Variants in NCOA1 observed in about 807,000 individuals in gnomAD.
The protein encoded by NCOA1 is Hin-2 protein.
Under a neutral mutation model 150.9 loss-of-function variants are expected in NCOA1, and 35 were observed. That is an observed-to-expected ratio of 0.23 (90% CI 0.18 to 0.31). The LOEUF (loss-of-function observed/expected upper bound fraction) is 0.31, where lower values mean the gene tolerates loss of function less well. Ranked by LOEUF, NCOA1 falls within the 10% of genes least tolerant of loss-of-function variation. The pLI, the probability that NCOA1 is intolerant of heterozygous loss-of-function variation, is 1.00. For missense variants in NCOA1, 1,491 were observed against 1,749.3 expected (o/e 0.85, Z 2.63); for synonymous variants, 590 against 630.0 (o/e 0.94, Z 0.95).
At chr2:24,713,143 A>G (rs769621528) in intron 14 of NCOA1, among the ~76,000 whole-genome samples, 32 of 152,262 alleles carry the variant, frequency 2.1e-4, no homozygotes, top group Non-Finnish European at 3.7e-4. Flanking sequence ...AGGCAGGAGA[A>G]TCACCTGAAC....
At chr2:24,494,410 T>C (rs757385703) in intron 1 of NCOA1, among the ~76,000 whole-genome samples, 2 of 152,220 alleles carry the variant, frequency 1.3e-5, no homozygotes, top group Non-Finnish European at 1.5e-5. Context: ...TTGAATGTTA[T>C]GTTGCATATC....
At chr2:24,765,498 C>CA (rs200703883) in intron 22 of NCOA1, among the ~76,000 whole-genome samples, 31,356 of 120,718 alleles carry the variant, frequency 0.26, 3,470 homozygotes, top group Non-Finnish European at 0.29. Context: ...GACTCTGTCT[C>CA]AAAAAAAAAA....
chr2:24,751,582 C>T (rs1424440663), intron 19 of NCOA1, among the ~76,000 whole-genome samples: 3 of 143,880 alleles, frequency 2.1e-5, no homozygotes, highest in Non-Finnish European at 4.6e-5. Flanking sequence ...GACTCCATCT[C>T]GGGGGAAAAA....
chr2:24,501,419 T>C (rs1332979095), intron 1 of NCOA1, among the ~76,000 whole-genome samples: 1 of 152,140 alleles, frequency 6.6e-6, no homozygotes, highest in Non-Finnish European at 1.5e-5. Flanking sequence ...CCAAAAGTAG[T>C]GAGTGGTATT....
chr2:24,549,627 C>T (rs149681365), intron 1 of NCOA1, among the ~76,000 whole-genome samples: 342 of 152,268 alleles, frequency 2.2e-3, no homozygotes, highest in African/African-American at 7.7e-3. Context: ...AGTGCAGTGG[C>T]GCAATCTGGG....
chr2:24,499,773 G>A (rs570202928), intron 1 of NCOA1, among the ~76,000 whole-genome samples: 1 of 152,192 alleles, frequency 6.6e-6, no homozygotes, highest in East Asian at 1.9e-4. Flanking sequence ...TTTAAGGCAG[G>A]ATGTGTCTTG....
intron 3 of NCOA1, among the ~76,000 whole-genome samples, chr2:24,612,634 G>A (rs1313085735): frequency 6.6e-6 from 1 of 151,788 alleles, no homozygotes; most frequent in Admixed American, 6.6e-5. Context: ...GTTCAAAAGG[G>A]CAGTCTTCAA....
At chr2:24,604,142 A>C (rs1186569751) in intron 3 of NCOA1, among the ~76,000 whole-genome samples, 1 of 152,180 alleles carries the variant, frequency 6.6e-6, no homozygotes, top group Admixed American at 6.5e-5. Context: ...AGGTCTTAAC[A>C]TTGGGCTTAA....
chr2:24,754,107 CTT>C (rs1664382698), intron 20 of NCOA1, among the ~76,000 whole-genome samples: 2 of 152,294 alleles, frequency 1.3e-5, no homozygotes, highest in African/African-American at 4.8e-5. Flanking sequence ...GCACCTCTCT[CTT>C]CTTACCTATT....
At chr2:24,611,268 G>A (rs143977482) in intron 3 of NCOA1, among the ~76,000 whole-genome samples, 1 of 152,144 alleles carries the variant, frequency 6.6e-6, no homozygotes, top group African/African-American at 2.4e-5. Flanking sequence ...GTTGTCGCAA[G>A]TGGCATGATT....
At chr2:24,709,993 A>G (rs966671557) in intron 13 of NCOA1, among the ~76,000 whole-genome samples, 1 of 152,204 alleles carries the variant, frequency 6.6e-6, no homozygotes, top group Admixed American at 6.5e-5. Flanking sequence ...ATCATAGTAT[A>G]GCAATATTGT....
At position 24,707,659 on chromosome 2, in the gene NCOA1, G is replaced by T; in HGVS notation, c.2189G>T (p.Ser730Ile). 1 of 1,614,190 alleles carries T rather than the reference G, an allele frequency of 6.2e-7. No individual in the cohort carries two copies. Among genetic ancestry groups the T allele is most frequent in the Non-Finnish European group, 8.5e-7 (1 of 1,180,020 alleles). The change falls in exon 13 of 23, where the codon AGT becomes ATT. Residue 730 changes from serine (S) to isoleucine (I), a missense_variant. By Grantham distance (142) the Ser-to-Ile change is moderately radical. Coordinates refer to ENST00000348332, the MANE Select transcript of NCOA1 (RefSeq NM_003743.5). ...SVTGQVQGNS[S>I]IKLELDASKK... ...ACTGGACAGGTACAAGGAAACTCCA[G>T]TATAAAACTAGAACTGGATGCTTCA...
rs373436912 is a variant in NCOA1 at position 24,768,278 on chromosome 2, G to A, written c.4213G>A (p.Gly1405Arg). ...CCAGTGTACAGTGAATCTGGTAGGCGGGGACCCTTACCTGAACCAGCCTGG... is the reference window on the plus strand; with the variant it reads ...CCAGTGTACAGTGAATCTGGTAGGCAGGGACCCTTACCTGAACCAGCCTGG... Reference protein sequence around the residue: ...DVQCTVNLVGGDPYLNQPGPL... With the variant: ...DVQCTVNLVGRDPYLNQPGPL... The change falls in exon 23 of 23, where the codon GGG (glycine) becomes AGG (arginine). Residue 1405 changes from glycine (G) to arginine (R), a missense_variant. By Grantham distance (125) the Gly-to-Arg change is moderately radical. Around this residue, in one of 8 missense-constraint regions of NCOA1, gnomAD observed 46 missense variants for 78.8 expected, o/e 0.58. Coordinates refer to ENST00000348332, the MANE Select transcript of NCOA1 (RefSeq NM_003743.5). 1.4e-5 allele frequency: 23 copies of A among 1,613,558 alleles called. No homozygotes were observed. The highest frequency in any genetic ancestry group is 1.7e-5 in the Non-Finnish European group (20 of 1,179,900).
chr2:24,547,148 T>A (rs1665635216), intron 1 of NCOA1, among the ~76,000 whole-genome samples: 1 of 152,230 alleles, frequency 6.6e-6, no homozygotes, highest in Admixed American at 6.5e-5. Context: ...CAGTATCTAA[T>A]CTTTTAATTT....
intron 1 of NCOA1, among the ~76,000 whole-genome samples, chr2:24,544,988 AAC>A (rs1476637858): frequency 6.6e-6 from 1 of 152,214 alleles, no homozygotes. Flanking sequence ...ATAAGCATTG[AAC>A]ACACATTTAC....
intron 17 of NCOA1, among the ~76,000 whole-genome samples, chr2:24,735,247 T>A (rs1300881838): frequency 6.6e-6 from 1 of 152,166 alleles, no homozygotes; most frequent in Non-Finnish European, 1.5e-5. Flanking sequence ...TCCAACCCCA[T>A]ATGACTGGCA....
intron 3 of NCOA1, among the ~76,000 whole-genome samples, chr2:24,619,470 A>G (rs1350176144): frequency 6.6e-6 from 1 of 152,202 alleles, no homozygotes; most frequent in African/African-American, 2.4e-5. Flanking sequence ...TGACTAACGA[A>G]CTACTTCTTT....
chr2:24,527,652 G>A (rs1239325079), intron 1 of NCOA1, among the ~76,000 whole-genome samples: 1 of 152,138 alleles, frequency 6.6e-6, no homozygotes, highest in African/African-American at 2.4e-5. Context: ...TTACAAGGTG[G>A]TAATTTAATC....
At chr2:24,765,176 CA>C (rs60481361) in intron 22 of NCOA1, among the ~76,000 whole-genome samples, 21,954 of 137,934 alleles carry the variant, frequency 0.16, 1,938 homozygotes, top group Non-Finnish European at 0.22. Context: ...TACTTCGACT[CA>C]AAAAAAAAAA....
Sources: allele counts gnomAD v4.1 joint callset (sites outside exome capture counted in the v4.1 genomes callset), GRCh38; gene constraint gnomAD v4.1.1; regional missense constraint gnomAD v4.1.1; transcripts MANE v1.5; gene names NCBI Gene and HGNC (gene_info 2026-07-23, HGNC 2026-07-21).